Variants in INO80 observed in about 807,000 individuals in gnomAD.
INO80 encodes the protein chromatin-remodeling ATPase INO80.
In INO80, 20 loss-of-function variants were observed where a neutral mutation model predicts 203.4. The observed-to-expected ratio is 0.10, with a 90% CI of 0.07 to 0.14. INO80 has a LOEUF of 0.14. INO80 is among the 10% of genes least tolerant of loss of function. The pLI, the probability that INO80 is intolerant of heterozygous loss-of-function variation, is 1.00. For synonymous variants in INO80, 726 were observed against 685.2 expected (o/e 1.06, Z -0.93); for missense variants, 1,419 against 1,914.4 (o/e 0.74, Z 4.83).
chr15:41,079,913 A>G lies in INO80; in HGVS notation c.928-9T>C. The G allele has an allele frequency of 1.2e-6, 2 of 1,612,870 alleles. No homozygotes were observed. Among genetic ancestry groups the G allele is most frequent in the Non-Finnish European group, 1.7e-6 (2 of 1,179,656 alleles). ...ATGCACTGGTGAGCAAGCTGAAAAC[A>G]ACAACAGCATTACAGCGGAAAGGAC... On this transcript the variant is annotated splice_polypyrimidine_tract_variant and intron_variant, in intron 8 of 35. Coordinates refer to ENST00000648947, the MANE Select transcript of INO80 (RefSeq NM_017553.3).
chr15:40,979,430 C>G lies in INO80; in HGVS notation c.*793G>C, dbSNP rs1215106341. ...CAAGCAGGGGACTGAAGGGCATGAG[C>G]AGGGAGACTGTGCATTCAGGATGGG... On this transcript the variant is annotated 3_prime_UTR_variant, in exon 36 of 36. Transcript: ENST00000648947. 1 of 153,276 alleles carries G rather than the reference C, an allele frequency of 6.5e-6. No individual in the cohort carries two copies. The highest frequency in any genetic ancestry group is 1.5e-5 in the Non-Finnish European group (1 of 68,610). The allele number at this position is 153,276 out of a possible 1,614,324, so 9.5% of individuals were successfully genotyped here.
intron 29 of INO80, among the ~76,000 whole-genome samples, chr15:40,989,014 CAA>C (rs55929719): frequency 2.1e-3 from 309 of 144,618 alleles, no homozygotes; most frequent in Middle Eastern, 3.6e-3. Flanking sequence ...GCCTCCGTCT[CAA>C]AAAAAAAAAA....
Position 41,056,614 on chromosome 15 carries a change from G to C in INO80, c.2070+8C>G. ...AGATATAAACCTGTGACCTGGACTA[G>C]TGCCTACCTCTGCCATGGTGTTCTG... is the stretch of plus-strand genomic sequence containing the variant. On this transcript the variant is annotated splice_region_variant and intron_variant, in intron 17 of 35. Transcript: ENST00000648947. 2.5e-6 allele frequency: 4 copies of C among 1,603,972 alleles called. No individual in the cohort carries two copies. Among genetic ancestry groups the C allele is most frequent in the Non-Finnish European group, 3.4e-6 (4 of 1,170,776 alleles).
At chr15:41,114,811 A>G (rs1022370024) in intron 1 of INO80, among the ~76,000 whole-genome samples, 2 of 152,144 alleles carry the variant, frequency 1.3e-5, no homozygotes, top group African/African-American at 2.4e-5. Flanking sequence ...AGAAAGATAC[A>G]TATGTTTCTT....
chr15:41,014,338 T>C (rs1004300646), intron 27 of INO80, among the ~76,000 whole-genome samples: 2 of 152,220 alleles, frequency 1.3e-5, no homozygotes, highest in East Asian at 1.9e-4. Flanking sequence ...ATCACTACTT[T>C]AGCTATACTT....
intron 1 of INO80, among the ~76,000 whole-genome samples, chr15:41,110,898 G>C (rs1354396506): frequency 6.6e-6 from 1 of 152,164 alleles, no homozygotes; most frequent in Non-Finnish European, 1.5e-5. Flanking sequence ...TATATAACTG[G>C]TTATGTGAGC....
chr15:41,082,633 G>A (rs561306975), intron 7 of INO80, among the ~76,000 whole-genome samples: 2 of 152,134 alleles, frequency 1.3e-5, no homozygotes, highest in Admixed American at 1.3e-4. Flanking sequence ...GAACCCGGGA[G>A]GTGGAGGTTG....
intron 7 of INO80, among the ~76,000 whole-genome samples, chr15:41,084,974 C>T (rs1367748561): frequency 2.0e-5 from 3 of 152,090 alleles, no homozygotes; most frequent in East Asian, 3.8e-4. Context: ...TGGGCTCAAG[C>T]GATCTACCCA....
chr15:41,087,316 C>T (rs1211896987), intron 6 of INO80, among the ~76,000 whole-genome samples: 1 of 152,136 alleles, frequency 6.6e-6, no homozygotes, highest in Admixed American at 6.6e-5. Flanking sequence ...TATGCAAATA[C>T]TATACCATTT....
chr15:41,073,488 G>C lies in INO80; in HGVS notation c.1335C>G (p.Asn445Lys). The change falls in exon 11 of 36, where the codon AAC becomes AAG. Residue 445 changes from asparagine (N) to lysine (K), a missense_variant. This residue lies in a region of INO80 where 116 missense variants were observed against 119.5 expected (regional missense o/e 0.97). Coordinates refer to ENST00000648947, the MANE Select transcript of INO80 (RefSeq NM_017553.3). ...VNITQEDYDSNHFKAQALKNA... is the reference protein window; with the variant it reads ...VNITQEDYDSKHFKAQALKNA... ...TCTTCAGGGCCTGGGCTTTAAAATG[G>C]TTACTATCTGAAAAGCAAAATTTAT... 6.2e-7 allele frequency: 1 copy of C among 1,613,800 alleles called. No homozygotes were observed.
intron 31 of INO80, among the ~76,000 whole-genome samples, chr15:40,986,183 A>G (rs191179965): frequency 5.5e-4 from 84 of 152,282 alleles, no homozygotes; most frequent in African/African-American, 1.9e-3. Context: ...CTTTTCCATA[A>G]AAACATTTTT....
chr15:41,077,356 C>T (rs1596313058), intron 9 of INO80, among the ~76,000 whole-genome samples: 1 of 115,662 alleles, frequency 8.6e-6, no homozygotes, highest in Non-Finnish European at 1.8e-5. Flanking sequence ...ATAGGGAATA[C>T]AGCAAAAAAA....
At chr15:41,108,570 G>C (rs1229965071) in intron 1 of INO80, among the ~76,000 whole-genome samples, 1 of 148,758 alleles carries the variant, frequency 6.7e-6, no homozygotes, top group African/African-American at 2.5e-5. Context: ...CCAGCCTGGG[G>C]GACACAGCGA....
intron 1 of INO80, among the ~76,000 whole-genome samples, chr15:41,100,405 CA>C (rs2140680574): frequency 6.6e-6 from 1 of 152,258 alleles, no homozygotes; most frequent in African/African-American, 2.4e-5. Context: ...ACTTATTCCT[CA>C]GTACCTATGT....
chr15:41,108,911 C>T, intron 1 of INO80: 1 of 154,332 alleles, frequency 6.5e-6, no homozygotes, highest in Admixed American at 6.5e-5. Context: ...GAAGCACGCC[C>T]AGTGCCACAT....
intron 27 of INO80, among the ~76,000 whole-genome samples, chr15:41,015,756 C>T (rs545883850): frequency 8.4e-5 from 11 of 130,782 alleles, no homozygotes; most frequent in East Asian, 4.3e-4. Flanking sequence ...GCTAACATGG[C>T]GAAACCCCAT....
intron 6 of INO80, 84 bp downstream of exon 6, chr15:41,087,478 T>TA: frequency 1.4e-6 from 2 of 1,418,672 alleles, no homozygotes; most frequent in Non-Finnish European, 1.9e-6. Context: ...TGGACTTATA[T>TA]ATAAAGTCCA....
At chr15:41,027,173 T>C (rs936639044) in intron 25 of INO80, among the ~76,000 whole-genome samples, 11 of 152,322 alleles carry the variant, frequency 7.2e-5, no homozygotes, top group South Asian at 4.1e-4. Flanking sequence ...ATCTGGAGAC[T>C]GTACTGAGGT....
At chr15:40,980,502 T>C (rs1893786942) in intron 35 of INO80, 62 bp from the exon 36 acceptor site, 1 of 1,311,820 alleles carries the variant, frequency 7.6e-7, no homozygotes, top group Non-Finnish European at 1.1e-6. Flanking sequence ...CCTTGGAGCC[T>C]GTGGCCTTGG....
Sources: allele counts gnomAD v4.1 joint callset (sites outside exome capture counted in the v4.1 genomes callset), GRCh38; gene constraint gnomAD v4.1.1; regional missense constraint gnomAD v4.1.1; transcripts MANE v1.5; gene names NCBI Gene and HGNC (gene_info 2026-07-23, HGNC 2026-07-21).